Variants in RP2 observed in about 807,000 individuals in gnomAD.
The protein encoded by RP2 is RP2 activator of ARL3 GTPase.
A neutral mutation model predicts 20.3 loss-of-function variants in RP2; 3 were observed. The observed-to-expected ratio is 0.15, with a 90% CI of 0.07 to 0.38. RP2 has a LOEUF of 0.38. Among genes scored for constraint, RP2 ranks in the 10% least tolerant of loss-of-function variants. The pLI is 1.00. For missense variants in RP2, 233 were observed against 268.5 expected, an observed-to-expected ratio of 0.87 and a Z score of 0.92; for synonymous variants, 75 against 94.8, an observed-to-expected ratio of 0.79 and a Z score of 1.22.
intron 3 of RP2, among the ~76,000 whole-genome samples, chrX:46,861,987 T>C (rs1925072864): frequency 8.9e-6 from 1 of 112,433 alleles, no homozygotes; most frequent in African/African-American, 3.2e-5. Flanking sequence ...ATGCTGGACT[T>C]TGGAAATCAC....
Position 46,881,072 on chromosome X carries a change from G to A in RP2, c.*1303G>A, listed in dbSNP as rs1925460905. ...AAACTAAGACTGAAAATAACCACTTGTAAACATTCCTATGATTGTTACTAA... is the reference window on the plus strand; with the variant it reads ...AAACTAAGACTGAAAATAACCACTTATAAACATTCCTATGATTGTTACTAA... On this transcript the variant is annotated 3_prime_UTR_variant, in exon 5 of 5. Coordinates refer to ENST00000218340, the MANE Select transcript of RP2 (RefSeq NM_006915.3). 8.9e-6 allele frequency: 1 copy of A among 111,840 alleles called. No individual in the cohort carries two copies. The highest frequency in any genetic ancestry group is 9.5e-5 in the Admixed American group (1 of 10,472). 9.2% of individuals were successfully genotyped at this position (111,840 alleles called of 1,213,427 possible). A position where few individuals can be genotyped will look rare whatever the true frequency, so the allele number is the denominator to read the frequency against.
At chrX:46,841,484 C>G (rs1322621200) in intron 1 of RP2, among the ~76,000 whole-genome samples, 2 of 112,280 alleles carry the variant, frequency 1.8e-5, no homozygotes, top group Non-Finnish European at 3.8e-5. Context: ...GGCTTGACCA[C>G]ATAGCTGGCT....
At chrX:46,856,954 G>T (rs1328756390) in intron 2 of RP2, among the ~76,000 whole-genome samples, 5 of 111,572 alleles carry the variant, frequency 4.5e-5, no homozygotes, top group African/African-American at 1.6e-4. Context: ...GAGTTCGCAG[G>T]GAAATATGTA....
At chrX:46,871,523 A>G in intron 3 of RP2, among the ~76,000 whole-genome samples, 1 of 112,613 alleles carries the variant, frequency 8.9e-6, no homozygotes, top group Middle Eastern at 4.6e-3. Flanking sequence ...GTGTATTTCT[A>G]TTATTGATTT....
In RP2 at chrX:46,853,469, C is replaced by G; in HGVS notation, c.103-7C>G. 1 of 1,206,211 alleles carries G rather than the reference C, an allele frequency of 8.3e-7. No homozygotes were observed. Among genetic ancestry groups the G allele is most frequent in the Non-Finnish European group, 1.1e-6 (1 of 892,089 alleles). On this transcript the variant is annotated splice_polypyrimidine_tract_variant and splice_region_variant and intron_variant, in intron 1 of 4. Coordinates refer to ENST00000218340, the MANE Select transcript of RP2 (RefSeq NM_006915.3). ...TAATACTCAAGGTCTGTGTTTTGTT[C>G]CTGCAGGTTGATCCAAAAGACTACA...
chrX:46,857,119 T>C (rs2147082461), intron 2 of RP2, among the ~76,000 whole-genome samples: 1 of 111,060 alleles, frequency 9.0e-6, no homozygotes, highest in East Asian at 2.8e-4. Context: ...TTCACATTGT[T>C]TTAATGCATT....
At chrX:46,844,822 ACC>A (rs1924689845) in intron 1 of RP2, among the ~76,000 whole-genome samples, 1 of 110,528 alleles carries the variant, frequency 9.0e-6, no homozygotes, top group Non-Finnish European at 1.9e-5. Context: ...CTATTTCTCC[ACC>A]TCCTCTCCAG....
chrX:46,847,800 A>ATATATATACACACATATGTGTGTGTGTG (rs1924775896), intron 1 of RP2, among the ~76,000 whole-genome samples: 1 of 76,946 alleles, frequency 1.3e-5, no homozygotes, highest in Admixed American at 1.6e-4. Context: ...GTGTGTGTGT[A>ATATATATACACACATATGTGTGTGTGTG]TATATATACA....
chrX:46,844,380 C>T (rs969087316), intron 1 of RP2, among the ~76,000 whole-genome samples: 1 of 103,255 alleles, frequency 9.7e-6, no homozygotes, highest in Admixed American at 1.1e-4. Context: ...TTCCTGTGTC[C>T]AAGTGTTCTC....
At position 46,881,147 on chromosome X, in the gene RP2, T is replaced by A. The variant is rs1465245561; in HGVS notation, c.*1378T>A. The A allele has an allele frequency of 8.9e-6, 1 of 112,017 alleles. No homozygotes were observed. The highest frequency in any genetic ancestry group is 1.9e-5 in the Non-Finnish European group (1 of 53,211). 9.2% of individuals were successfully genotyped at this position (112,017 alleles called of 1,213,427 possible). The stretch of plus-strand genomic sequence containing the variant: ...TTTTGGATATTTTTGGGTTAATAAC[T>A]ACTACATTGAATTGCATGTTAAGGT... On this transcript the variant is annotated 3_prime_UTR_variant, in exon 5 of 5. Coordinates refer to ENST00000218340, the MANE Select transcript of RP2 (RefSeq NM_006915.3).
chrX:46,871,829 C>G, intron 3 of RP2, among the ~76,000 whole-genome samples: 1 of 112,359 alleles, frequency 8.9e-6, no homozygotes, highest in Admixed American at 9.4e-5. Context: ...TTGTCTGTTT[C>G]TCTTTTCAGA....
intron 3 of RP2, among the ~76,000 whole-genome samples, chrX:46,860,721 CTT>C (rs1178966288): frequency 9.0e-6 from 1 of 111,459 alleles, no homozygotes; most frequent in Non-Finnish European, 1.9e-5. Flanking sequence ...ACAGAGTACT[CTT>C]TATCTGTTCA....
At chrX:46,859,518 CAAAT>C (rs1435680818) in intron 2 of RP2, among the ~76,000 whole-genome samples, 7 of 106,584 alleles carry the variant, frequency 6.6e-5, no homozygotes, top group Admixed American at 2.0e-4. Flanking sequence ...GAAAAATAAA[CAAAT>C]AAAAGTAAAA....
chrX:46,866,419 G>C (rs1344982181), intron 3 of RP2, among the ~76,000 whole-genome samples: 5 of 111,411 alleles, frequency 4.5e-5, no homozygotes, highest in Non-Finnish European at 9.4e-5. Flanking sequence ...AGCACCACAG[G>C]GTTCATTCTA....
intron 4 of RP2, among the ~76,000 whole-genome samples, chrX:46,878,188 A>T (rs909714486): frequency 9.2e-6 from 1 of 109,206 alleles, no homozygotes. Context: ...TCCCGGCTAA[A>T]ACGGTGAAAC....
intron 3 of RP2, among the ~76,000 whole-genome samples, chrX:46,868,472 A>G (rs1377974247): frequency 1.8e-5 from 2 of 111,062 alleles, no homozygotes; most frequent in Admixed American, 9.7e-5. Flanking sequence ...CTATTCTGCA[A>G]GTGTTCAGTC....
intron 3 of RP2, among the ~76,000 whole-genome samples, chrX:46,876,418 G>A (rs73630242): frequency 0.042 from 4,642 of 111,333 alleles, 225 homozygotes; most frequent in African/African-American, 0.14. Flanking sequence ...GTGCCCAGCC[G>A]TGAGATTCTA....
At chrX:46,858,644 A>T (rs1180619983) in intron 2 of RP2, among the ~76,000 whole-genome samples, 5 of 108,449 alleles carry the variant, frequency 4.6e-5, no homozygotes, top group African/African-American at 1.3e-4. Flanking sequence ...CTAATTTTAA[A>T]TTTTTTTTTA....
intron 3 of RP2, among the ~76,000 whole-genome samples, chrX:46,871,599 T>G (rs1556326424): frequency 8.9e-6 from 1 of 112,413 alleles, no homozygotes; most frequent in East Asian, 2.8e-4. Flanking sequence ...TAAAATGTAT[T>G]TTATGGCACA....
Sources: gnomAD v4.1 joint callset for allele counts (sites outside exome capture counted in the v4.1 genomes callset) on GRCh38, gnomAD v4.1.1 for gene constraint, MANE v1.5 for transcripts, NCBI Gene and HGNC (gene_info 2026-07-23, HGNC 2026-07-21) for gene names.